The following NIBAN3 variants were observed in gnomAD, a reference collection of about 807,000 sequenced individuals.
NIBAN3 encodes niban apoptosis regulator 3.
NIBAN3 carries 66 observed loss-of-function variants against 76.4 expected under a neutral mutation model. The ratio of observed to expected loss-of-function variants is 0.86; its 90% CI spans 0.71 to 1.06. The LOEUF (loss-of-function observed/expected upper bound fraction) is 1.06. Ranked by LOEUF, NIBAN3 falls within the 50% of genes least tolerant of loss-of-function variation. The pLI is 0.00. For synonymous variants in NIBAN3, 360 were observed against 355.2 expected (o/e 1.01, Z -0.15); for missense variants, 808 against 810.7 (o/e 1.00, Z 0.04).
upstream of NIBAN3, among the ~76,000 whole-genome samples, chr19:17,524,644 A>G (rs1301954508): frequency 6.6e-6 from 1 of 152,218 alleles, no homozygotes; most frequent in African/African-American, 2.4e-5. Flanking sequence ...TGAAGATTAC[A>G]TTCAGATATT....
rs189041642 is a variant in NIBAN3 at position 17,529,088 on chromosome 19, G to A, written c.56-1667G>A. 1.8e-4 allele frequency among the ~76,000 whole-genome samples: 28 copies of A among 152,260 alleles called. 1 individual carries two copies. In the East Asian group the frequency reaches 4.6e-3, roughly 25 times the overall value. On this transcript the variant is annotated intron_variant, in intron 1 of 14. Transcript: ENST00000599164. ...TGTATCTTGCAAACAAACAATTCAC[G>A]TTCACACCCTGGTCATTCCCTCATT...
chr19:17,537,526 T>C lies in NIBAN3; in HGVS notation c.578T>C (p.Ile193Thr). 6.2e-7 allele frequency: 1 copy of C among 1,601,544 alleles called. No homozygotes were observed. Among genetic ancestry groups the C allele is most frequent in the Non-Finnish European group, 8.5e-7 (1 of 1,176,442 alleles). ...HAWRLALQGG[I>T]RLQGIVLQRS... ...TGGAGGCTGGCCCTGCAGGGTGGCA[T>C]CCGGCTTCAGGGCATAGGTGGGTCT... The change falls in exon 5 of 15, where the codon ATC (isoleucine) becomes ACC (threonine). Residue 193 changes from isoleucine (I) to threonine (T), a missense_variant. Coordinates refer to ENST00000599164, the MANE Select transcript of NIBAN3 (RefSeq NM_001321827.2).
upstream of NIBAN3, chr19:17,523,559 G>C (rs2075577499): frequency 9.9e-7 from 1 of 1,011,124 alleles, no homozygotes; most frequent in Non-Finnish European, 1.5e-6. Context: ...GGGCTGCGAA[G>C]TGAAGGGAAA....
At chr19:17,524,129 G>A (rs1012909955), upstream of NIBAN3, among the ~76,000 whole-genome samples, 3 of 152,032 alleles carry the variant, frequency 2.0e-5, no homozygotes, top group Admixed American at 6.6e-5. Context: ...GACCTCAAGC[G>A]ATCCACTTGC....
At chr19:17,551,092 ATTTATTTATT>A (rs2076147649) in intron 14 of NIBAN3, among the ~76,000 whole-genome samples, 1 of 149,964 alleles carries the variant, frequency 6.7e-6, no homozygotes, top group African/African-American at 2.4e-5. Flanking sequence ...TTTTCTTTTT[ATTTATTTATT>A]TATTTATTTT....
chr19:17,523,622 C>G (rs1450516909), upstream of NIBAN3, among the ~76,000 whole-genome samples: 1 of 152,190 alleles, frequency 6.6e-6, no homozygotes, highest in East Asian at 1.9e-4. Context: ...GGGGCTGTCA[C>G]CATCTCCTAC....
upstream of NIBAN3, among the ~76,000 whole-genome samples, chr19:17,523,806 A>G: frequency 6.6e-6 from 1 of 152,200 alleles, no homozygotes; most frequent in African/African-American, 2.4e-5. Flanking sequence ...CCCGCTGAGC[A>G]CATTCCCACC....
rs1327778488 is a variant in NIBAN3 at position 17,539,414 on chromosome 19, G to A, written c.779G>A (p.Arg260Gln). 19 of 1,523,742 alleles carry A rather than the reference G, an allele frequency of 1.2e-5. No homozygotes were observed. In the South Asian group the frequency reaches 2.1e-4, roughly 17 times the overall value. The allele number at this position is 1,523,742 out of a possible 1,614,324, so 94.4% of individuals were successfully genotyped here. A position where few individuals can be genotyped will look rare whatever the true frequency, so the allele number is the denominator to read the frequency against. Residue 260 changes from arginine to glutamine, a missense_variant, in exon 7 of 15, where the codon CGG becomes CAG. By Grantham distance (43) the Arg-to-Gln change is conservative. Coordinates refer to ENST00000599164, the MANE Select transcript of NIBAN3 (RefSeq NM_001321827.2). ...ALRAQTLPGLRGAGRARAWAW... is the reference protein window; with the variant it reads ...ALRAQTLPGLQGAGRARAWAW... Reference sequence around the variant, plus strand: ...CGAGCCCAGACCCTTCCTGGCCTGCGGGGGGCAGGCCGCGCCCGCGCCTGG... The same window carrying A: ...CGAGCCCAGACCCTTCCTGGCCTGCAGGGGGCAGGCCGCGCCCGCGCCTGG...
In NIBAN3 at chr19:17,530,750, T is replaced by G; in HGVS notation, c.56-5T>G. 1.2e-6 allele frequency: 2 copies of G among 1,605,002 alleles called. No homozygotes were observed. Among genetic ancestry groups the G allele is most frequent in the Non-Finnish European group, 1.7e-6 (2 of 1,174,108 alleles). ...GCTGGGTTCACTGTCCCCTTGTCCCTGCAGGTCAGGTGGACACCCTGCTGA... is the reference window on the plus strand; with the variant it reads ...GCTGGGTTCACTGTCCCCTTGTCCCGGCAGGTCAGGTGGACACCCTGCTGA... On this transcript the variant is annotated splice_region_variant and splice_polypyrimidine_tract_variant and intron_variant, in intron 1 of 14. Coordinates refer to ENST00000599164, the MANE Select transcript of NIBAN3 (RefSeq NM_001321827.2).
chr19:17,532,429 C>A (rs750908619), intron 3 of NIBAN3, 41 bp downstream of exon 3: 1 of 1,614,020 alleles, frequency 6.2e-7, no homozygotes, highest in Non-Finnish European at 8.5e-7. Flanking sequence ...CTGGGTCCCT[C>A]CTTCCCACCC....
intron 14 of NIBAN3, 133 bp from the exon 15 acceptor site, chr19:17,551,653 A>C: frequency 2.0e-6 from 1 of 504,452 alleles, no homozygotes; most frequent in Non-Finnish European, 3.6e-6. Context: ...GGTCTCCCAG[A>C]GTGCTGGGAT....
intron 4 of NIBAN3, among the ~76,000 whole-genome samples, chr19:17,535,013 T>G (rs890906743): frequency 3.3e-5 from 5 of 152,196 alleles, no homozygotes; most frequent in Non-Finnish European, 7.3e-5. Context: ...CTGCTTCACC[T>G]AAAAGCTATC....
chr19:17,524,608 A>G (rs1415855564), upstream of NIBAN3, among the ~76,000 whole-genome samples: 1 of 152,248 alleles, frequency 6.6e-6, no homozygotes, highest in African/African-American at 2.4e-5. Context: ...TTTTTTTAAA[A>G]GAAGAAATGA....
chr19:17,530,466 G>A (rs1490245568), intron 1 of NIBAN3, among the ~76,000 whole-genome samples: 1 of 145,984 alleles, frequency 6.9e-6, no homozygotes, highest in Admixed American at 7.1e-5. Context: ...CCAGGAGGCA[G>A]AGGTTGCAGT....
rs2144748643 is a variant in NIBAN3 at position 17,543,402 on chromosome 19, G to A, written c.1415G>A (p.Arg472Lys). ...CTCAACTGTGACCAGGCTGCCCAGA[G>A]GCTGGAGAGAGTCAGGGGGCGCGTG... ...TALNCDQAAQ[R>K]LERVRGRVLK... The change falls in exon 11 of 15, where the codon AGG becomes AAG. Residue 472 changes from arginine (R) to lysine (K), a missense_variant. Physicochemically the swap from Arg to Lys is conservative, Grantham distance 26. Transcript: ENST00000599164. 1.2e-6 allele frequency: 2 copies of A among 1,612,298 alleles called. No homozygotes were observed. The highest frequency in any genetic ancestry group is 8.5e-7 in the Non-Finnish European group (1 of 1,178,558).
Position 17,530,866 on chromosome 19 carries a change from G to T in NIBAN3, c.167G>T (p.Ser56Ile). Residue 56 changes from serine to isoleucine, a missense_variant, in exon 2 of 15, where the codon AGC becomes ATC. Transcript: ENST00000599164. ...CTGGGCCCTCAGGAGCCGACCGGAA[G>T]CCAGTTGCTACGCAGCAAAGTGGGT... Reference protein sequence around the residue: ...RELGPQEPTGSQLLRSKKLPR... With the variant: ...RELGPQEPTGIQLLRSKKLPR... 1 of 1,613,402 alleles carries T rather than the reference G, an allele frequency of 6.2e-7. No homozygotes were observed. The highest frequency in any genetic ancestry group is 8.5e-7 in the Non-Finnish European group (1 of 1,179,830).
At position 17,534,203 on chromosome 19, in the gene NIBAN3, A is replaced by C. The variant is rs113383544; in HGVS notation, c.427+502A>C. ...CAATAGACTGAAACCCCATCTCCAA[A>C]AACAACAACAAAAACAATTAAAAAC... On this transcript the variant is annotated intron_variant, in intron 4 of 14. Transcript: ENST00000599164. 8.2e-3 allele frequency among the ~76,000 whole-genome samples: 1,250 copies of C among 152,068 alleles called. 23 individuals carry two copies. The highest frequency in any genetic ancestry group is 0.029 in the African/African-American group (1,190 of 41,500).
intron 2 of NIBAN3, among the ~76,000 whole-genome samples, chr19:17,531,524 T>C (rs1389265154): frequency 6.6e-6 from 1 of 152,076 alleles, no homozygotes; most frequent in Non-Finnish European, 1.5e-5. Flanking sequence ...TAGCATATCA[T>C]GATGTGGAAT....
At chr19:17,554,568 G>A (rs997498043), downstream of NIBAN3, among the ~76,000 whole-genome samples, 3 of 151,642 alleles carry the variant, frequency 2.0e-5, no homozygotes, top group Admixed American at 1.3e-4. Context: ...CGGATCAGGA[G>A]GTCAGGAGTT....
Sources: allele counts gnomAD v4.1 joint callset (sites outside exome capture counted in the v4.1 genomes callset), GRCh38; gene constraint gnomAD v4.1.1; transcripts MANE v1.5; gene names NCBI Gene and HGNC (gene_info 2026-07-23, HGNC 2026-07-21).